Variants in WNK2 observed in about 807,000 individuals in gnomAD.
WNK2 encodes serine/threonine-protein kinase WNK2.
WNK2 carries 67 observed loss-of-function variants against 192.1 expected under a neutral mutation model. The ratio of observed to expected loss-of-function variants is 0.35; its 90% CI spans 0.29 to 0.43. WNK2 has a LOEUF of 0.43. Ranked by LOEUF, WNK2 falls within the 20% of genes least tolerant of loss-of-function variation. The probability of loss-of-function intolerance (pLI) is 1.00; values close to 1 mark genes in which losing one functional copy is unlikely to be tolerated. For missense variants in WNK2, 2,698 were observed against 3,089.7 expected (o/e 0.87, Z 3.01); for synonymous variants, 1,439 against 1,393.9 (o/e 1.03, Z -0.72).
chr9:93,196,928 G>A (rs1465140785), intron 2 of WNK2, among the ~76,000 whole-genome samples: 6 of 152,084 alleles, frequency 3.9e-5, no homozygotes, highest in Non-Finnish European at 8.8e-5. Flanking sequence ...ACACATGCCC[G>A]CTGCATCTGC....
intron 2 of WNK2, among the ~76,000 whole-genome samples, chr9:93,195,293 G>A (rs1490812763): frequency 6.6e-6 from 1 of 152,028 alleles, no homozygotes; most frequent in Non-Finnish European, 1.5e-5. Flanking sequence ...CCTGTGTGTG[G>A]GTGTGAGGGA....
rs934221719 is a variant in WNK2, at chr9:93,184,367, G to A, written c.-21G>A. On this transcript the variant is annotated 5_prime_UTR_variant, in exon 1 of 30. Transcript: ENST00000427277. Reference sequence around the variant, plus strand: ...CCCTGGCCGCCGGGCCGCGGGCATGGACGGCGTCCGCTCGCCCTGTGAGTG... The same window carrying A: ...CCCTGGCCGCCGGGCCGCGGGCATGAACGGCGTCCGCTCGCCCTGTGAGTG... 6.6e-6 allele frequency among the ~76,000 whole-genome samples: 1 copy of A among 151,096 alleles called. No individual in the cohort carries two copies. The highest frequency in any genetic ancestry group is 2.4e-5 in the African/African-American group (1 of 41,254).
In WNK2 at chr9:93,288,822, G is replaced by A; in HGVS notation, c.4068G>A (p.Lys1356=). 6.2e-7 allele frequency: 1 copy of A among 1,612,316 alleles called. No individual in the cohort carries two copies. Among genetic ancestry groups the A allele is most frequent in the Non-Finnish European group, 8.5e-7 (1 of 1,179,662 alleles). Reference sequence around the variant, plus strand: ...CCTATAAAGACCAGCTGTCCTCGAAGGAACAACCCAGCTTTCTAGCCAGTC... The same window carrying A: ...CCTATAAAGACCAGCTGTCCTCGAAAGAACAACCCAGCTTTCTAGCCAGTC... ...SAPYKDQLSS[K]EQPSFLASQQ... is the part of the protein sequence containing the mutation. The change falls in exon 20 of 30, where the codon AAG becomes AAA. Residue 1356 remains lysine (K), a synonymous_variant. Transcript: ENST00000427277.
intron 2 of WNK2, among the ~76,000 whole-genome samples, chr9:93,206,501 G>A (rs912292836): frequency 5.3e-5 from 8 of 152,090 alleles, no homozygotes; most frequent in Non-Finnish European, 7.4e-5. Flanking sequence ...TGGATGCACC[G>A]GGGAGTTCTG....
At position 93,311,613 on chromosome 9, in the gene WNK2, TTG is replaced by T. The variant is rs71364368; in HGVS notation, c.6516+3055_6516+3056del. Among the ~76,000 whole-genome samples the T allele has an allele frequency of 1.2e-4, 17 of 146,184 alleles. No individual in the cohort carries two copies. In the East Asian group the frequency reaches 1.2e-3, roughly 10 times the overall value. On this transcript the variant is annotated intron_variant, in intron 28 of 29. Coordinates refer to ENST00000427277, the MANE Select transcript of WNK2 (RefSeq NM_006648.4). ...AGATTTCCTTTCTGGGTTTTTTTGTTTGTGTGTGTGTGTGTGTGTGTGTGTGT... is the reference window on the plus strand; with the variant it reads ...AGATTTCCTTTCTGGGTTTTTTTGTTTGTGTGTGTGTGTGTGTGTGTGTGT...
chr9:93,275,333 G>T (rs1337646314), intron 19 of WNK2, among the ~76,000 whole-genome samples: 5 of 152,014 alleles, frequency 3.3e-5, no homozygotes, highest in Admixed American at 2.6e-4. Context: ...AGTGTGCTAA[G>T]ACTGTGCCTG....
intron 7 of WNK2, among the ~76,000 whole-genome samples, chr9:93,241,621 G>A (rs1021149503): frequency 2.6e-5 from 4 of 152,044 alleles, no homozygotes; most frequent in Non-Finnish European, 4.4e-5. Flanking sequence ...AGGTTCCTGC[G>A]GAGGTCTGAC....
chr9:93,229,265 C>T lies in WNK2; in HGVS notation c.682-431C>T, dbSNP rs13290796. 0.16 allele frequency among the ~76,000 whole-genome samples: 23,702 copies of T among 152,092 alleles called. 1,932 individuals carry two copies. Among genetic ancestry groups the T allele is most frequent in the South Asian group, 0.28 (1,366 of 4,820 alleles). On this transcript the variant is annotated intron_variant, in intron 2 of 29. Coordinates refer to ENST00000427277, the MANE Select transcript of WNK2 (RefSeq NM_006648.4). This position sits in a 1 kb window ranked among gnomAD's most constrained non-coding sequence, Gnocchi z 4.9. ...AGCTCTTATCTCAGTCACCTGTCCA[C>T]GTCTCCTCTGTTCTAATCCACTGGG... is the stretch of plus-strand genomic sequence containing the variant.
chr9:93,260,656 A>G (rs148811975), intron 12 of WNK2, among the ~76,000 whole-genome samples: 1 of 152,182 alleles, frequency 6.6e-6, no homozygotes, highest in Non-Finnish European at 1.5e-5. Flanking sequence ...TTGCTGTCTT[A>G]TCTCCAGAGG....
Position 93,238,244 on chromosome 9 carries a change from G to C in WNK2, c.1245G>C (p.Pro415=), listed in dbSNP as rs781146231. The C allele has an allele frequency of 1.9e-6, 3 of 1,613,992 alleles. No homozygotes were observed. Among genetic ancestry groups the C allele is most frequent in the Non-Finnish European group, 2.5e-6 (3 of 1,179,880 alleles). The change falls in exon 6 of 30, where the codon CCG becomes CCC. Residue 415 remains proline (P), a synonymous_variant. Coordinates refer to ENST00000427277, the MANE Select transcript of WNK2 (RefSeq NM_006648.4). ...IYRKVTCGIK[P]ASFEKVHDPE... ...TCTCTCCCTGTCAGGGTATCAAGCC[G>C]GCCAGCTTTGAGAAAGTGCACGATC...
chr9:93,297,464 A>G (rs927189667), intron 23 of WNK2, among the ~76,000 whole-genome samples: 1 of 152,130 alleles, frequency 6.6e-6, no homozygotes, highest in African/African-American at 2.4e-5. Flanking sequence ...AATAACACAC[A>G]TTTGCCTGAT....
Position 93,257,006 on chromosome 9 carries a change from T to G in WNK2, c.2249T>G (p.Val750Gly), listed in dbSNP as rs375787610. ...LPQVLAPQPV[V>G]PLQPVPPHLP... ...CAGGTCCTGGCCCCACAGCCCGTGGTCCCCCTCCAGCCGGTTCCCCCCCAC... is the reference window on the plus strand; with the variant it reads ...CAGGTCCTGGCCCCACAGCCCGTGGGCCCCCTCCAGCCGGTTCCCCCCCAC... Residue 750 changes from valine (V) to glycine (G), a missense_variant, in exon 11 of 30, where the codon GTC becomes GGC. Val to Gly is a moderately radical substitution (Grantham distance 109, BLOSUM62 -3). This residue lies in a region of WNK2 where 893 missense variants were observed against 909.0 expected (regional missense o/e 0.98). Coordinates refer to ENST00000427277, the MANE Select transcript of WNK2 (RefSeq NM_006648.4). This position sits in a 1 kb window ranked among gnomAD's most constrained non-coding sequence, Gnocchi z 4.7. 3.8e-6 allele frequency: 6 copies of G among 1,599,728 alleles called. No homozygotes were observed. The African/African-American group carries it at 5.4e-5, about 14-fold the overall frequency.
rs889586830 is a variant in WNK2, at chr9:93,267,901, C to A, written c.3852C>A (p.Gly1284=). ...GTSPPHLSTC[G]LGTGEESRQS... ...GCCCGCCACACCTCAGCACCTGCGGCCTGGGCACCGGGGAGGTGAGGTTGT... is the reference window on the plus strand; with the variant it reads ...GCCCGCCACACCTCAGCACCTGCGGACTGGGCACCGGGGAGGTGAGGTTGT... Residue 1284 remains glycine (G), a synonymous_variant, in exon 17 of 30, where the codon GGC becomes GGA. Coordinates refer to ENST00000427277, the MANE Select transcript of WNK2 (RefSeq NM_006648.4). 12 of 1,612,564 alleles carry A rather than the reference C, an allele frequency of 7.4e-6. No individual in the cohort carries two copies. Among genetic ancestry groups the A allele is most frequent in the Non-Finnish European group, 9.3e-6 (11 of 1,179,482 alleles).
chr9:93,257,190 C>A lies in WNK2; in HGVS notation c.2382+51C>A. ...CAGTGGTGGCGCACGCTTTGCCAGGCCCTGGCTGGTGCACTAGGACACCCA... is the reference window on the plus strand; with the variant it reads ...CAGTGGTGGCGCACGCTTTGCCAGGACCTGGCTGGTGCACTAGGACACCCA... On this transcript the variant is annotated intron_variant, in intron 11 of 29. Transcript: ENST00000427277. This position sits in a 1 kb window ranked among gnomAD's most constrained non-coding sequence, Gnocchi z 4.7. The A allele has an allele frequency of 6.4e-7, 1 of 1,559,332 alleles. No homozygotes were observed. The highest frequency in any genetic ancestry group is 8.6e-7 in the Non-Finnish European group (1 of 1,156,114).
Position 93,185,018 on chromosome 9 carries a change from G to C in WNK2, c.89G>C (p.Arg30Pro), listed in dbSNP as rs1037636243. The change falls in exon 2 of 30, where the codon CGG becomes CCG. Residue 30 changes from arginine to proline, a missense_variant. This residue lies in a region of WNK2 where 260 missense variants were observed against 285.6 expected (regional missense o/e 0.91). Transcript: ENST00000427277. ...GGGCCCGCGGGCATGGCGGAGCCTC[G>C]GGCGAAGGCGGCGCGGCCGGGGCCC... ...GAGPAGMAEP[R>P]AKAARPGPQR... is the part of the protein sequence containing the mutation. The C allele has an allele frequency of 8.0e-6, 10 of 1,251,614 alleles. No homozygotes were observed. The highest frequency in any genetic ancestry group is 1.0e-5 in the Non-Finnish European group (10 of 1,002,678). 77.5% of individuals were successfully genotyped at this position (1,251,614 alleles called of 1,614,324 possible).
At position 93,292,910 on chromosome 9, in the gene WNK2, G is replaced by T; in HGVS notation, c.5445G>T (p.Arg1815=). The T allele has an allele frequency of 6.6e-7, 1 of 1,523,552 alleles. No homozygotes were observed. Among genetic ancestry groups the T allele is most frequent in the East Asian group, 2.3e-5 (1 of 43,344 alleles). The allele number at this position is 1,523,552 out of a possible 1,614,324, so 94.4% of individuals were successfully genotyped here. The change falls in exon 23 of 30, where the codon CGG becomes CGT. Residue 1815 remains arginine (R), a synonymous_variant. Coordinates refer to ENST00000427277, the MANE Select transcript of WNK2 (RefSeq NM_006648.4). ...GCGACTCTGGGGACGAGGGCCCTCG[G>T]GCGAGACCCCCGGTGCAGAAGCAGG... The part of the protein sequence containing the change: ...VSSDSGDEGP[R]ARPPVQKQAS...
chr9:93,275,066 G>GC (rs373074829), intron 19 of WNK2, among the ~76,000 whole-genome samples: 133,461 of 152,190 alleles, frequency 0.88, 59,693 homozygotes, highest in East Asian at 1. Context: ...ATATTAAAAG[G>GC]ACAGTGTGCC....
intron 28 of WNK2, among the ~76,000 whole-genome samples, chr9:93,315,219 T>C (rs1239051599): frequency 6.6e-6 from 1 of 152,206 alleles, no homozygotes; most frequent in East Asian, 1.9e-4. Context: ...TCTCTGCGCC[T>C]GATGTGGGCG....
intron 12 of WNK2, among the ~76,000 whole-genome samples, chr9:93,260,935 T>C (rs1425371440): frequency 6.6e-6 from 1 of 152,188 alleles, no homozygotes; most frequent in East Asian, 1.9e-4. Context: ...AGTTAGTGGC[T>C]ACAGAGGGGT....
Sources: allele counts gnomAD v4.1 joint callset (sites outside exome capture counted in the v4.1 genomes callset), GRCh38; gene constraint gnomAD v4.1.1; regional missense constraint gnomAD v4.1.1; non-coding constraint Gnocchi (gnomAD v3.1); transcripts MANE v1.5; gene names NCBI Gene and HGNC (gene_info 2026-07-23, HGNC 2026-07-21).